The following DENND1B variants were observed in gnomAD, a reference collection of about 807,000 sequenced individuals.
The protein encoded by DENND1B is DENN domain containing 1B.
A neutral mutation model predicts 90.1 loss-of-function variants in DENND1B; 59 were observed. The observed-to-expected ratio is 0.65, with a 90% CI of 0.53 to 0.81. The LOEUF is 0.81. Among genes scored for constraint, DENND1B ranks in the 40% least tolerant of loss-of-function variants. The pLI is 0.00. For synonymous variants in DENND1B, 337 were observed against 324.6 expected (o/e 1.04, Z -0.41); for missense variants, 862 against 912.6 (o/e 0.94, Z 0.71).
At chr1:197,772,495 C>T (rs1036769001) in intron 2 of DENND1B, among the ~76,000 whole-genome samples, 1 of 152,158 alleles carries the variant, frequency 6.6e-6, no homozygotes, top group Non-Finnish European at 1.5e-5. Context: ...AATATTAACA[C>T]TTGCTTTGAC....
At chr1:197,558,513 A>G (rs1671894777) in intron 15 of DENND1B, among the ~76,000 whole-genome samples, 1 of 151,782 alleles carries the variant, frequency 6.6e-6, no homozygotes, top group East Asian at 1.9e-4. Flanking sequence ...AAACAAATAT[A>G]CATGTTACAT....
intron 4 of DENND1B, 63 bp downstream of exon 4, chr1:197,674,057 T>C (rs185449686): frequency 4.4e-6 from 5 of 1,134,082 alleles, no homozygotes; most frequent in Middle Eastern, 2.0e-4. Flanking sequence ...AAAGCACATG[T>C]AATCATTTTC....
At chr1:197,627,480 A>G (rs878997238) in intron 10 of DENND1B, among the ~76,000 whole-genome samples, 5 of 151,910 alleles carry the variant, frequency 3.3e-5, no homozygotes, top group Admixed American at 6.6e-5. Flanking sequence ...ATTCAAGAAC[A>G]CTTCATGCTA....
intron 2 of DENND1B, among the ~76,000 whole-genome samples, chr1:197,746,263 C>T (rs544409161): frequency 4.6e-5 from 7 of 152,244 alleles, no homozygotes; most frequent in African/African-American, 1.4e-4. Context: ...GGCATGGTGG[C>T]ACTTGCCTGT....
intron 14 of DENND1B, among the ~76,000 whole-genome samples, chr1:197,592,998 T>A (rs113374490): frequency 1.7e-3 from 255 of 152,218 alleles, no homozygotes; most frequent in Middle Eastern, 3.4e-3. Flanking sequence ...AGCCCTTTTT[T>A]TAAATATCAA....
At chr1:197,776,783 G>A (rs1175790769), upstream of DENND1B, among the ~76,000 whole-genome samples, 1 of 151,540 alleles carries the variant, frequency 6.6e-6, no homozygotes, top group Non-Finnish European at 1.5e-5. Flanking sequence ...GGGCCTGTTA[G>A]TAAAAAATGA....
At chr1:197,554,319 C>G (rs1671515656) in intron 15 of DENND1B, among the ~76,000 whole-genome samples, 1 of 152,068 alleles carries the variant, frequency 6.6e-6, no homozygotes, top group African/African-American at 2.4e-5. Context: ...GCAAGGAGGA[C>G]TTGAAGATGG....
In DENND1B at chr1:197,508,347, T is replaced by C. The variant is rs1405397180; in HGVS notation, c.*2113A>G. On this transcript the variant is annotated 3_prime_UTR_variant, in exon 23 of 23. Coordinates refer to ENST00000620048, the MANE Select transcript of DENND1B (RefSeq NM_001195215.2). Reference sequence around the variant, plus strand: ...TCTTTTGCTATATGGACTTCTTCCATTATAAACTTCAGTAAAGTAAGTTGT... The same window carrying C: ...TCTTTTGCTATATGGACTTCTTCCACTATAAACTTCAGTAAAGTAAGTTGT... 6.6e-6 allele frequency: 1 copy of C among 151,788 alleles called. No homozygotes were observed. The highest frequency in any genetic ancestry group is 1.5e-5 in the Non-Finnish European group (1 of 67,810). 9.4% of individuals were successfully genotyped at this position (151,788 alleles called of 1,614,324 possible). A position where few individuals can be genotyped will look rare whatever the true frequency, so the allele number is the denominator to read the frequency against.
At chr1:197,552,185 T>A in intron 16 of DENND1B, 1 of 974,694 alleles carries the variant, frequency 1.0e-6, no homozygotes, top group South Asian at 4.7e-5. Flanking sequence ...TTTTTTTTCC[T>A]CAAAACAAAC....
intron 21 of DENND1B, among the ~76,000 whole-genome samples, chr1:197,512,404 T>C (rs1318904554): frequency 6.6e-6 from 1 of 151,750 alleles, no homozygotes; most frequent in Non-Finnish European, 1.5e-5. Context: ...CATACATCAA[T>C]TGTAAGAAGC....
intron 3 of DENND1B, among the ~76,000 whole-genome samples, chr1:197,674,527 T>C (rs1158673970): frequency 6.6e-6 from 1 of 152,124 alleles, no homozygotes; most frequent in African/African-American, 2.4e-5. Context: ...AGTCTAGCCA[T>C]AGGGACTTCT....
chr1:197,593,526 A>G (rs1675425038), intron 14 of DENND1B, among the ~76,000 whole-genome samples: 1 of 151,952 alleles, frequency 6.6e-6, no homozygotes, highest in Admixed American at 6.6e-5. Flanking sequence ...ATGGCTTTCA[A>G]GATTTTTTTT....
chr1:197,611,873 T>C (rs1469363077), intron 12 of DENND1B, 58 bp downstream of exon 12: 1 of 1,484,522 alleles, frequency 6.7e-7, no homozygotes, highest in East Asian at 2.3e-5. Context: ...ACAAAACTGT[T>C]TTAACTATTA....
At chr1:197,774,725 TC>T in intron 1 of DENND1B, 1 of 157,474 alleles carries the variant, frequency 6.4e-6, no homozygotes, top group Admixed American at 6.5e-5. Flanking sequence ...AATAATAACC[TC>T]TTAACCTCAA....
At chr1:197,664,615 A>T (rs1348099268) in intron 5 of DENND1B, among the ~76,000 whole-genome samples, 12 of 152,124 alleles carry the variant, frequency 7.9e-5, no homozygotes, top group Admixed American at 7.9e-4. Flanking sequence ...AAAGGAAAGG[A>T]AATGTTTTTT....
At chr1:197,557,282 CA>C (rs1443475627) in intron 15 of DENND1B, among the ~76,000 whole-genome samples, 1 of 151,772 alleles carries the variant, frequency 6.6e-6, no homozygotes, top group African/African-American at 2.4e-5. Flanking sequence ...ACATTACTGA[CA>C]AATAGAACAA....
At chr1:197,598,092 G>A (rs1269519703) in intron 13 of DENND1B, among the ~76,000 whole-genome samples, 1 of 151,806 alleles carries the variant, frequency 6.6e-6, no homozygotes, top group Non-Finnish European at 1.5e-5. Context: ...TATTCTACAT[G>A]AGTATACTAT....
intron 2 of DENND1B, among the ~76,000 whole-genome samples, chr1:197,769,582 T>C (rs1274646460): frequency 5.3e-5 from 8 of 152,170 alleles, no homozygotes; most frequent in Admixed American, 5.2e-4. Flanking sequence ...GACGACTTCT[T>C]GTATGAACTA....
At chr1:197,590,365 G>A (rs1232644157) in intron 14 of DENND1B, among the ~76,000 whole-genome samples, 1 of 151,860 alleles carries the variant, frequency 6.6e-6, no homozygotes, top group Non-Finnish European at 1.5e-5. Flanking sequence ...TGCTCTTACC[G>A]CTTTTCTTCC....
Sources: gnomAD v4.1 joint callset for allele counts (sites outside exome capture counted in the v4.1 genomes callset) on GRCh38, gnomAD v4.1.1 for gene constraint, MANE v1.5 for transcripts, NCBI Gene and HGNC (gene_info 2026-07-23, HGNC 2026-07-21) for gene names.